NUP133: variants seen among roughly 807,000 people sequenced by gnomAD.
NUP133 encodes nucleoporin 133.
NUP133 carries 66 observed loss-of-function variants against 146.2 expected under a neutral mutation model. The observed-to-expected ratio is 0.45, with a 90% CI of 0.37 to 0.55. The LOEUF (loss-of-function observed/expected upper bound fraction) is 0.55. Ranked by LOEUF, NUP133 falls within the 20% of genes least tolerant of loss-of-function variation. The probability of loss-of-function intolerance (pLI) is 0.00; values close to 1 mark genes in which losing one functional copy is unlikely to be tolerated. For missense variants in NUP133, 1,277 were observed against 1,374.8 expected, an observed-to-expected ratio of 0.93 and a Z score of 1.12; for synonymous variants, 521 against 498.8, an observed-to-expected ratio of 1.04 and a Z score of -0.59.
chr1:229,475,551 C>T, intron 14 of NUP133, 87 bp downstream of exon 14: 1 of 940,916 alleles, frequency 1.1e-6, no homozygotes, highest in Non-Finnish European at 1.7e-6. Flanking sequence ...CCCAATGAAA[C>T]ACCTCAAAAT....
intron 12 of NUP133, among the ~76,000 whole-genome samples, chr1:229,479,840 A>G (rs1172624552): frequency 1.3e-5 from 2 of 152,210 alleles, no homozygotes; most frequent in African/African-American, 4.8e-5. Flanking sequence ...TCGACAACTG[A>G]GAATGTAGAC....
At chr1:229,504,263 T>A (rs572818430) in intron 2 of NUP133, among the ~76,000 whole-genome samples, 3 of 152,172 alleles carry the variant, frequency 2.0e-5, no homozygotes, top group Admixed American at 2.0e-4. Flanking sequence ...ACTAAACATA[T>A]GAGATGCATT....
intron 5 of NUP133, chr1:229,499,321 T>A (rs1661739615): frequency 2.2e-6 from 1 of 462,604 alleles, no homozygotes; most frequent in Non-Finnish European, 4.4e-6. Flanking sequence ...CAAGCTACTA[T>A]CTGAAATTGA....
Position 229,460,685 on chromosome 1 carries a change from G to C in NUP133, c.2770C>G (p.Gln924Glu). The C allele has an allele frequency of 1.9e-6, 3 of 1,614,012 alleles. No individual in the cohort carries two copies. The highest frequency in any genetic ancestry group is 2.5e-6 in the Non-Finnish European group (3 of 1,179,970). Residue 924 changes from glutamine to glutamate, a missense_variant, in exon 20 of 26, where the codon CAG becomes GAG. This residue lies in a region of NUP133 where 952 missense variants were observed against 1,047.0 expected (regional missense o/e 0.91). Transcript: ENST00000261396. ...TGAGCTTGCAAAAAATTTGCCAACT[G>C]TCCATGCTGAGAAATGGGCTGAGAT... is the stretch of plus-strand genomic sequence containing the variant. The part of the protein sequence containing the change: ...LLSQPISQHG[Q>E]LANFLQAHEH...
chr1:229,469,855 G>A (rs1660913945), intron 15 of NUP133, among the ~76,000 whole-genome samples: 1 of 152,198 alleles, frequency 6.6e-6, no homozygotes, highest in African/African-American at 2.4e-5. Flanking sequence ...GTGAAACCAG[G>A]TCTCTACTAA....
intron 25 of NUP133, 86 bp from the exon 26 acceptor site, chr1:229,442,126 G>T: frequency 7.6e-7 from 1 of 1,310,414 alleles, no homozygotes; most frequent in Non-Finnish European, 1.0e-6. Context: ...AAGCACCTGT[G>T]CTTCTATTTA....
chr1:229,504,061 GCTCC>G (rs1661875201), intron 2 of NUP133, among the ~76,000 whole-genome samples: 1 of 152,006 alleles, frequency 6.6e-6, no homozygotes, highest in Non-Finnish European at 1.5e-5. Flanking sequence ...TATCCCTAAA[GCTCC>G]CAAGGACCTA....
At chr1:229,470,872 T>G in intron 14 of NUP133, 68 bp from the exon 15 acceptor site, 1 of 1,446,688 alleles carries the variant, frequency 6.9e-7, no homozygotes, top group Non-Finnish European at 9.6e-7. Flanking sequence ...CATAGCTGTA[T>G]TTTCCCCAGA....
chr1:229,481,287 AT>A (rs1661206457), intron 12 of NUP133, among the ~76,000 whole-genome samples: 1 of 152,164 alleles, frequency 6.6e-6, no homozygotes, highest in Admixed American at 6.5e-5. Flanking sequence ...ACCAGGTTGA[AT>A]AGTGTCTCCC....
chr1:229,490,526 G>A lies in NUP133; in HGVS notation c.1047-424C>T, dbSNP rs373822768. ...GACATTAAGCAAAAGGCAAAATATA[G>A]GGACAGAAACCACATCAGTGATCTC... is the stretch of plus-strand genomic sequence containing the variant. On this transcript the variant is annotated intron_variant, in intron 8 of 25. Coordinates refer to ENST00000261396, the MANE Select transcript of NUP133 (RefSeq NM_018230.3). Among the ~76,000 whole-genome samples the A allele has an allele frequency of 3.1e-4, 47 of 152,256 alleles. 1 individual carries two copies. The South Asian group carries it at 9.7e-3, about 32-fold the overall frequency.
intron 13 of NUP133, among the ~76,000 whole-genome samples, 174 bp from the exon 14 acceptor site, chr1:229,475,906 G>T (rs185218711): frequency 1.3e-5 from 2 of 152,074 alleles, no homozygotes; most frequent in African/African-American, 2.4e-5. Context: ...TCAAGAGATC[G>T]AGACCATCCT....
Position 229,444,004 on chromosome 1 carries a change from G to C in NUP133, c.3334+910C>G, listed in dbSNP as rs537354760. Among the ~76,000 whole-genome samples the C allele has an allele frequency of 1.7e-4, 25 of 150,050 alleles. No homozygotes were observed. In the South Asian group the frequency reaches 2.7e-3, roughly 16 times the overall value. The stretch of plus-strand genomic sequence containing the variant: ...GATTCTCCCACCTTGGCCTCCCAAA[G>C]TGTGAGCCACTGCACCTGCCTATAT... On this transcript the variant is annotated intron_variant, in intron 25 of 25. Transcript: ENST00000261396.
chr1:229,452,965 C>T (rs1196631033), intron 21 of NUP133, among the ~76,000 whole-genome samples: 1 of 152,090 alleles, frequency 6.6e-6, no homozygotes, highest in Admixed American at 6.5e-5. Flanking sequence ...GTATAAGCTT[C>T]CTAAGTGTGG....
At chr1:229,449,667 G>A (rs989329537) in intron 23 of NUP133, among the ~76,000 whole-genome samples, 10 of 150,566 alleles carry the variant, frequency 6.6e-5, no homozygotes, top group African/African-American at 9.8e-5. Context: ...CACCTCGCCC[G>A]GCCTGAGAGG....
At chr1:229,463,712 T>A in intron 18 of NUP133, 36 bp from the exon 19 acceptor site, 1 of 1,556,608 alleles carries the variant, frequency 6.4e-7, no homozygotes, top group Non-Finnish European at 8.6e-7. Flanking sequence ...AAAATCCTGT[T>A]AGCAAAACTT....
chr1:229,490,509 G>C (rs993970620), intron 8 of NUP133, among the ~76,000 whole-genome samples: 1 of 151,986 alleles, frequency 6.6e-6, no homozygotes, highest in African/African-American at 2.4e-5. Flanking sequence ...ATGACATTAA[G>C]CAAAAGGCAA....
At chr1:229,476,532 C>T (rs1454589391) in intron 13 of NUP133, among the ~76,000 whole-genome samples, 1 of 152,168 alleles carries the variant, frequency 6.6e-6, no homozygotes, top group Non-Finnish European at 1.5e-5. Context: ...ATGTCTTGTC[C>T]ACTTCTACAT....
intron 20 of NUP133, 113 bp downstream of exon 20, chr1:229,460,498 A>C: frequency 3.6e-5 from 38 of 1,050,420 alleles, no homozygotes; most frequent in Non-Finnish European, 4.5e-5. Context: ...TTTGGATAGT[A>C]ACCCCTTCTC....
intron 13 of NUP133, 66 bp from the exon 14 acceptor site, chr1:229,475,798 TGGC>T: frequency 8.0e-7 from 1 of 1,251,490 alleles, no homozygotes; most frequent in Non-Finnish European, 1.2e-6. Flanking sequence ...TTAATATCAG[TGGC>T]TAACTGCTAT....
Sources: gnomAD v4.1 joint callset for allele counts (sites outside exome capture counted in the v4.1 genomes callset) on GRCh38, gnomAD v4.1.1 for gene constraint, gnomAD v4.1.1 regional missense constraint, MANE v1.5 for transcripts, NCBI Gene and HGNC (gene_info 2026-07-23, HGNC 2026-07-21) for gene names.